The following AHRR variants were observed in gnomAD, a reference collection of about 807,000 sequenced individuals.
AHRR encodes the protein ahR repressor.
Under a neutral mutation model 44.0 loss-of-function variants are expected in AHRR, and 28 were observed. That is an observed-to-expected ratio of 0.64 (90% CI 0.47 to 0.87). The LOEUF (loss-of-function observed/expected upper bound fraction) is 0.87, where lower values mean the gene tolerates loss of function less well. Among genes scored for constraint, AHRR ranks in the 40% least tolerant of loss-of-function variants. AHRR has a pLI of 0.00. For missense variants in AHRR, 990 were observed against 953.9 expected (o/e 1.04, Z -0.50); for synonymous variants, 434 against 407.0 (o/e 1.07, Z -0.80).
At chr5:328,055 A>G (rs1027417368) in intron 1 of AHRR, among the ~76,000 whole-genome samples, 1 of 151,760 alleles carries the variant, frequency 6.6e-6, no homozygotes, top group African/African-American at 2.4e-5. Flanking sequence ...TGTCCTTGTG[A>G]TAGTTTGCTG....
intron 4 of AHRR, among the ~76,000 whole-genome samples, chr5:381,506 CTTTTTTTTTTTTT>C (rs781159124): frequency 1.3e-4 from 6 of 46,892 alleles, no homozygotes; most frequent in South Asian, 1.1e-3. Context: ...CTTAGGTTTG[CTTTTTTTTTTTTT>C]TTTTTTTTTT....
chr5:423,002 A>T, intron 6 of AHRR, 144 bp downstream of exon 6: 1 of 1,181,186 alleles, frequency 8.5e-7, no homozygotes, highest in Non-Finnish European at 1.2e-6. Context: ...ACCTTTCTTC[A>T]GAGGCCTCCT....
intron 4 of AHRR, among the ~76,000 whole-genome samples, chr5:398,583 G>A (rs1734871240): frequency 6.6e-6 from 1 of 152,238 alleles, no homozygotes; most frequent in Non-Finnish European, 1.5e-5. Context: ...AGCAGGCAGT[G>A]TCAGCACAGG....
intron 4 of AHRR, among the ~76,000 whole-genome samples, chr5:412,305 A>G (rs1735498388): frequency 6.6e-6 from 1 of 152,254 alleles, no homozygotes; most frequent in Non-Finnish European, 1.5e-5. Flanking sequence ...AAATAAATCA[A>G]CATAGTATTA....
At chr5:373,323 G>A (rs1743641680) in intron 3 of AHRR, among the ~76,000 whole-genome samples, 1 of 152,242 alleles carries the variant, frequency 6.6e-6, no homozygotes, top group South Asian at 2.1e-4. Flanking sequence ...GGTGGGCCCT[G>A]GGAGTGGTCC....
At position 434,801 on chromosome 5, in the gene AHRR, G is replaced by T. The variant is rs907128386; in HGVS notation, c.2061G>T (p.Pro687=). Reference sequence around the variant, plus strand: ...AAAGTGCCTTGGCCACGCTGGTCCCGCCCCAAGCTTCGGGGTGCACATTCC... The same window carrying T: ...AAAGTGCCTTGGCCACGCTGGTCCCTCCCCAAGCTTCGGGGTGCACATTCC... ...LPKSALATLV[P]PQASGCTFLP is the part of the protein sequence containing the mutation. Residue 687 remains proline, a synonymous_variant, in exon 11 of 11, where the codon CCG becomes CCT. Transcript: ENST00000684583. 1 of 1,553,440 alleles carries T rather than the reference G, an allele frequency of 6.4e-7. No individual in the cohort carries two copies. Among genetic ancestry groups the T allele is most frequent in the Non-Finnish European group, 8.7e-7 (1 of 1,148,192 alleles).
chr5:356,346 C>G lies in AHRR; in HGVS notation c.244+2435C>G, dbSNP rs111480393. Among the ~76,000 whole-genome samples the G allele has an allele frequency of 8.5e-5, 13 of 152,346 alleles. 1 individual carries two copies. The highest frequency in any genetic ancestry group is 1.9e-4 in the African/African-American group (8 of 41,580). Reference sequence around the variant, plus strand: ...TGGGACGTGGGACCCTAACACTGACCAGGAAGGGTCCAGAAGCCCCGGCTC... The same window carrying G: ...TGGGACGTGGGACCCTAACACTGACGAGGAAGGGTCCAGAAGCCCCGGCTC... On this transcript the variant is annotated intron_variant, in intron 3 of 10. Transcript: ENST00000684583.
rs187671179 is a variant in AHRR at position 379,202 on chromosome 5, G to A, written c.351+2486G>A. 4.0e-3 allele frequency among the ~76,000 whole-genome samples: 614 copies of A among 152,314 alleles called. 2 individuals carry two copies. Among genetic ancestry groups the A allele is most frequent in the Non-Finnish European group, 5.6e-3 (379 of 68,028 alleles). ...TGTTGAGATTTGCTCACGGTGCTGC[G>A]GGTCACCAGCTGGTTTCTTGTTGTT... is the stretch of plus-strand genomic sequence containing the variant. On this transcript the variant is annotated intron_variant, in intron 4 of 10. Coordinates refer to ENST00000684583, the MANE Select transcript of AHRR (RefSeq NM_001377236.1).
At chr5:380,747 A>T (rs1374460787) in intron 4 of AHRR, among the ~76,000 whole-genome samples, 3 of 152,162 alleles carry the variant, frequency 2.0e-5, no homozygotes, top group Non-Finnish European at 2.9e-5. Context: ...TAAAACATAG[A>T]TTTTATTAGT....
In AHRR at chr5:434,484, G is replaced by C. The variant is rs780127943; in HGVS notation, c.1744G>C (p.Val582Leu). The change falls in exon 11 of 11, where the codon GTG becomes CTG. Residue 582 changes from valine (V) to leucine (L), a missense_variant. Physicochemically the swap from Val to Leu is conservative, Grantham distance 32 (BLOSUM62 1). Transcript: ENST00000684583. The stretch of plus-strand genomic sequence containing the variant: ...AACAGAGCCAGACTCTCGGCAACAG[G>C]TGTACATCTCGCACCTGGGGCACGG... ...LKTEPDSRQQVYISHLGHGVR... is the reference protein window; with the variant it reads ...LKTEPDSRQQLYISHLGHGVR... The C allele has an allele frequency of 1.2e-6, 2 of 1,613,262 alleles. No homozygotes were observed. Among genetic ancestry groups the C allele is most frequent in the African/African-American group, 1.3e-5 (1 of 74,946 alleles).
chr5:421,896 G>C (rs562773581), intron 5 of AHRR, among the ~76,000 whole-genome samples: 1 of 152,190 alleles, frequency 6.6e-6, no homozygotes, highest in South Asian at 2.1e-4. Flanking sequence ...CCTCCAGTTA[G>C]GAAGAACCAC....
At chr5:401,214 G>C (rs1459315281) in intron 4 of AHRR, among the ~76,000 whole-genome samples, 1 of 152,264 alleles carries the variant, frequency 6.6e-6, no homozygotes, top group African/African-American at 2.4e-5. Context: ...TCCAAGGGGA[G>C]GGAGGGGCTG....
chr5:425,408 C>T (rs1358694841), intron 7 of AHRR, among the ~76,000 whole-genome samples: 1 of 152,344 alleles, frequency 6.6e-6, no homozygotes, highest in Non-Finnish European at 1.5e-5. Context: ...AGCTCCGCCT[C>T]CTGGGTTCAC....
intron 4 of AHRR, among the ~76,000 whole-genome samples, chr5:380,888 T>C (rs1733954736): frequency 6.6e-6 from 1 of 152,202 alleles, no homozygotes; most frequent in South Asian, 2.1e-4. Context: ...CCAGAGAAGC[T>C]GGTAGTGTGG....
chr5:323,808 G>A (rs1741593381), intron 1 of AHRR, among the ~76,000 whole-genome samples: 1 of 152,140 alleles, frequency 6.6e-6, no homozygotes, highest in South Asian at 2.1e-4. Context: ...AGCGCCATGT[G>A]GTCTGGGGTG....
intron 4 of AHRR, among the ~76,000 whole-genome samples, chr5:385,899 A>AT (rs1163127948): frequency 3.3e-5 from 5 of 151,738 alleles, no homozygotes; most frequent in Non-Finnish European, 7.4e-5. Context: ...GGCTGTGTTC[A>AT]TTTTTTTCAA....
chr5:345,221 A>G (rs1579604702), intron 2 of AHRR, among the ~76,000 whole-genome samples: 1 of 45,210 alleles, frequency 2.2e-5, no homozygotes, highest in Non-Finnish European at 3.9e-5. Flanking sequence ...TGTGTGTCGG[A>G]TGATGTCCCT....
At chr5:367,923 G>T in intron 3 of AHRR, 1 of 702,582 alleles carries the variant, frequency 1.4e-6, no homozygotes, top group Non-Finnish European at 2.6e-6. Flanking sequence ...GACGTACTCA[G>T]TTCGGTCTGC....
At chr5:348,045 T>C (rs947847035) in intron 2 of AHRR, among the ~76,000 whole-genome samples, 2 of 152,220 alleles carry the variant, frequency 1.3e-5, no homozygotes, top group African/African-American at 4.8e-5. Context: ...AACCTGCCCC[T>C]GAGAGGCCCC....
Sources: allele counts gnomAD v4.1 joint callset (sites outside exome capture counted in the v4.1 genomes callset), GRCh38; gene constraint gnomAD v4.1.1; transcripts MANE v1.5; gene names NCBI Gene and HGNC (gene_info 2026-07-23, HGNC 2026-07-21).